ITFG1: variants seen among roughly 807,000 people sequenced by gnomAD.
ITFG1 encodes the protein T-cell immunomodulatory protein.
In ITFG1, 34 loss-of-function variants were observed where a neutral mutation model predicts 81.8. The ratio of observed to expected loss-of-function variants is 0.42; its 90% confidence interval spans 0.32 to 0.55. The LOEUF (loss-of-function observed/expected upper bound fraction) is 0.55. ITFG1 is among the 20% of genes least tolerant of loss of function. The probability of loss-of-function intolerance (pLI) is 0.17; values close to 1 mark genes in which losing one functional copy is unlikely to be tolerated. For synonymous variants in ITFG1, 285 were observed against 270.6 expected (o/e 1.05, Z -0.52); for missense variants, 672 against 755.4 (o/e 0.89, Z 1.29).
At chr16:47,395,289 C>T (rs903706196) in intron 6 of ITFG1, among the ~76,000 whole-genome samples, 2 of 151,986 alleles carry the variant, frequency 1.3e-5, no homozygotes, top group Non-Finnish European at 2.9e-5. Flanking sequence ...TGACATTTTG[C>T]TCCACAATAT....
chr16:47,325,248 C>G (rs1967516917), intron 8 of ITFG1, among the ~76,000 whole-genome samples: 1 of 152,158 alleles, frequency 6.6e-6, no homozygotes, highest in Admixed American at 6.5e-5. Context: ...GAAATGAAGG[C>G]AGAAATAAAG....
At position 47,325,617 on chromosome 16, in the gene ITFG1, C is replaced by T. The variant is rs538142616; in HGVS notation, c.803-11794G>A. Among the ~76,000 whole-genome samples the T allele has an allele frequency of 4.6e-5, 7 of 152,070 alleles. No homozygotes were observed. In the East Asian group the frequency reaches 5.8e-4, roughly 13 times the overall value. Reference sequence around the variant, plus strand: ...AGAAAAGAGAGAAGAATCAAATAGACACAATAAAAAATGATAAAGGGGATA... The same window carrying T: ...AGAAAAGAGAGAAGAATCAAATAGATACAATAAAAAATGATAAAGGGGATA... On this transcript the variant is annotated intron_variant, in intron 8 of 17. Transcript: ENST00000320640.
chr16:47,277,695 T>C (rs1328120220), intron 10 of ITFG1, among the ~76,000 whole-genome samples: 2 of 152,230 alleles, frequency 1.3e-5, no homozygotes, highest in South Asian at 2.1e-4. Context: ...GGAATTGAAA[T>C]GTGGCTATTC....
At chr16:47,398,753 A>C (rs1968622776) in intron 6 of ITFG1, among the ~76,000 whole-genome samples, 1 of 152,232 alleles carries the variant, frequency 6.6e-6, no homozygotes, top group Non-Finnish European at 1.5e-5. Flanking sequence ...ACAATACCAA[A>C]AAGTCACTTA....
intron 5 of ITFG1, among the ~76,000 whole-genome samples, chr16:47,438,431 C>A (rs1367301678): frequency 6.6e-6 from 1 of 152,276 alleles, no homozygotes; most frequent in Middle Eastern, 3.4e-3. Flanking sequence ...CTGGGAGGCA[C>A]CCCCCAGTAG....
intron 8 of ITFG1, among the ~76,000 whole-genome samples, chr16:47,347,399 C>A (rs1031246732): frequency 2.0e-5 from 3 of 152,240 alleles, no homozygotes; most frequent in Non-Finnish European, 4.4e-5. Context: ...GAGATTATAT[C>A]CTGTGCATGG....
chr16:47,328,506 T>G (rs537257308), intron 8 of ITFG1, among the ~76,000 whole-genome samples: 1 of 152,078 alleles, frequency 6.6e-6, no homozygotes, highest in Admixed American at 6.6e-5. Context: ...ATATATAACT[T>G]AAAATTTGGA....
At chr16:47,208,481 T>G (rs377513187) in intron 14 of ITFG1, among the ~76,000 whole-genome samples, 1 of 152,222 alleles carries the variant, frequency 6.6e-6, no homozygotes, top group South Asian at 2.1e-4. Context: ...GCACTGTATC[T>G]TCTACAACCT....
intron 14 of ITFG1, among the ~76,000 whole-genome samples, chr16:47,166,589 G>A (rs571741258): frequency 7.9e-5 from 12 of 152,018 alleles, no homozygotes; most frequent in Non-Finnish European, 1.5e-4. Flanking sequence ...AGGAAACAGC[G>A]TAAAAGACAT....
chr16:47,193,094 C>CTT (rs200520892), intron 14 of ITFG1, among the ~76,000 whole-genome samples: 1 of 150,366 alleles, frequency 6.7e-6, no homozygotes, highest in African/African-American at 2.4e-5. Context: ...TCAGTTTGTT[C>CTT]TTTTTTTTTG....
intron 6 of ITFG1, among the ~76,000 whole-genome samples, chr16:47,413,075 C>A (rs1244159499): frequency 6.6e-6 from 1 of 152,116 alleles, no homozygotes; most frequent in African/African-American, 2.4e-5. Flanking sequence ...TTATCAGAAT[C>A]TCCAAGGCCA....
intron 13 of ITFG1, among the ~76,000 whole-genome samples, chr16:47,222,227 G>A (rs1359384730): frequency 6.6e-6 from 1 of 150,960 alleles, no homozygotes; most frequent in Admixed American, 6.6e-5. Flanking sequence ...GGCATTTAGT[G>A]CTATAAATTT....
At chr16:47,445,247 GAAAAAAAAAA>G (rs907756228) in intron 5 of ITFG1, among the ~76,000 whole-genome samples, 4 of 30,826 alleles carry the variant, frequency 1.3e-4, no homozygotes, top group African/African-American at 4.4e-4. Flanking sequence ...CTCCGTCTCA[GAAAAAAAAAA>G]AAAAAAAAAA....
chr16:47,169,799 GGAT>G (rs1193970011), intron 14 of ITFG1, among the ~76,000 whole-genome samples: 1 of 152,120 alleles, frequency 6.6e-6, no homozygotes, highest in Non-Finnish European at 1.5e-5. Context: ...TCATCATACA[GGAT>G]GATATTAGCT....
intron 8 of ITFG1, among the ~76,000 whole-genome samples, chr16:47,337,698 C>A (rs560827446): frequency 2.0e-5 from 3 of 152,252 alleles, no homozygotes; most frequent in South Asian, 4.1e-4. Context: ...ATCGCAATTG[C>A]GACAGAAGGT....
intron 10 of ITFG1, among the ~76,000 whole-genome samples, chr16:47,271,791 A>G (rs1966344468): frequency 6.6e-6 from 1 of 152,162 alleles, no homozygotes; most frequent in Non-Finnish European, 1.5e-5. Flanking sequence ...CCCGGGAGGC[A>G]GAGCTTGCAG....
chr16:47,357,117 A>G (rs1208000411), intron 8 of ITFG1, among the ~76,000 whole-genome samples: 1 of 152,168 alleles, frequency 6.6e-6, no homozygotes, highest in African/African-American at 2.4e-5. Flanking sequence ...TAGATCAATT[A>G]TATTAACTAG....
intron 14 of ITFG1, among the ~76,000 whole-genome samples, chr16:47,181,321 G>A (rs1296750943): frequency 6.6e-5 from 10 of 151,440 alleles, no homozygotes; most frequent in South Asian, 2.1e-4. Flanking sequence ...GAGCGTCTCC[G>A]CCTGGCAGCC....
chr16:47,427,382 C>T (rs544046902), intron 6 of ITFG1, among the ~76,000 whole-genome samples: 72 of 152,118 alleles, frequency 4.7e-4, no homozygotes, highest in African/African-American at 1.6e-3. Context: ...TGTGGCTGGG[C>T]GCAGTGGTTC....
Sources: gnomAD v4.1 joint callset for allele counts (sites outside exome capture counted in the v4.1 genomes callset) on GRCh38, gnomAD v4.1.1 for gene constraint, MANE v1.5 for transcripts, NCBI Gene and HGNC (gene_info 2026-07-23, HGNC 2026-07-21) for gene names.